The following PHKB variants were observed in gnomAD, a reference collection of about 807,000 sequenced individuals.
PHKB encodes the protein phosphorylase b kinase regulatory subunit beta.
Under a neutral mutation model 152.1 loss-of-function variants are expected in PHKB, and 122 were observed. The observed-to-expected ratio is 0.80, with a 90% CI of 0.69 to 0.93. PHKB has a LOEUF of 0.93. PHKB is among the 40% of genes least tolerant of loss of function. The pLI is 0.00. For synonymous variants in PHKB, 436 were observed against 464.9 expected (o/e 0.94, Z 0.80); for missense variants, 1,304 against 1,328.4 (o/e 0.98, Z 0.29).
chr16:47,604,312 T>TA (rs1218173710), intron 13 of PHKB, among the ~76,000 whole-genome samples: 1 of 152,198 alleles, frequency 6.6e-6, no homozygotes, highest in African/African-American at 2.4e-5. Context: ...GAGCAGAAGT[T>TA]AAAATCTTTA....
intron 10 of PHKB, among the ~76,000 whole-genome samples, chr16:47,593,065 A>C (rs1176593286): frequency 6.9e-6 from 1 of 143,888 alleles, no homozygotes; most frequent in Non-Finnish European, 1.5e-5. Context: ...CTTGGGCAAC[A>C]GAGGGAGGAG....
At chr16:47,631,821 T>C (rs1972832696) in intron 14 of PHKB, among the ~76,000 whole-genome samples, 1 of 152,212 alleles carries the variant, frequency 6.6e-6, no homozygotes, top group African/African-American at 2.4e-5. Context: ...TCCTTTTTTG[T>C]GGCTGTATGG....
At chr16:47,671,686 C>T (rs899295517) in intron 26 of PHKB, among the ~76,000 whole-genome samples, 4 of 152,196 alleles carry the variant, frequency 2.6e-5, no homozygotes, top group African/African-American at 9.6e-5. Flanking sequence ...CATCAGTTCT[C>T]ATCCAAGGAG....
chr16:47,541,534 A>G (rs924167362), intron 6 of PHKB, among the ~76,000 whole-genome samples: 4 of 152,210 alleles, frequency 2.6e-5, no homozygotes, highest in African/African-American at 9.6e-5. Context: ...GCTGGGTCAA[A>G]TGGTATTTCT....
chr16:47,472,797 A>G (rs1322591079), intron 1 of PHKB, among the ~76,000 whole-genome samples: 2 of 150,888 alleles, frequency 1.3e-5, no homozygotes, highest in Non-Finnish European at 3.0e-5. Context: ...AAAAACAAAA[A>G]TTAGCCAGGT....
At chr16:47,657,437 A>AGGATG (rs1973359037) in intron 20 of PHKB, among the ~76,000 whole-genome samples, 1 of 152,218 alleles carries the variant, frequency 6.6e-6, no homozygotes. Context: ...AATCTTAGGT[A>AGGATG]GGATGGTCTG....
At chr16:47,617,102 G>GT (rs750213638) in intron 14 of PHKB, among the ~76,000 whole-genome samples, 13 of 151,732 alleles carry the variant, frequency 8.6e-5, no homozygotes, top group Non-Finnish European at 1.8e-4. Flanking sequence ...CAGAGATTTT[G>GT]TTTATGTCCA....
chr16:47,573,917 A>G (rs1273427559), intron 7 of PHKB, among the ~76,000 whole-genome samples: 2 of 147,294 alleles, frequency 1.4e-5, no homozygotes, highest in East Asian at 3.9e-4. Context: ...AGTGCACGCA[A>G]AACAATTTTT....
chr16:47,493,055 C>G (rs903564001), intron 1 of PHKB, among the ~76,000 whole-genome samples: 6 of 152,196 alleles, frequency 3.9e-5, no homozygotes, highest in Non-Finnish European at 5.9e-5. Context: ...TCCTAGGTAC[C>G]ACCCTGGAAC....
intron 7 of PHKB, chr16:47,565,965 T>A (rs1385212406): frequency 1.4e-5 from 12 of 853,702 alleles, no homozygotes; most frequent in Admixed American, 2.4e-5. Flanking sequence ...CCAAGAGTAA[T>A]CATCTCTGGA....
chr16:47,552,437 C>T (rs989351972), intron 7 of PHKB, among the ~76,000 whole-genome samples: 10 of 152,054 alleles, frequency 6.6e-5, no homozygotes, highest in Admixed American at 3.9e-4. Context: ...AGAATTTGCT[C>T]GTCTGTAAAG....
Position 47,660,072 on chromosome 16 carries a change from C to A in PHKB, c.1972-434C>A, listed in dbSNP as rs573462856. Among the ~76,000 whole-genome samples, 3 of 152,224 alleles carry A rather than the reference C, an allele frequency of 2.0e-5. No individual in the cohort carries two copies. The South Asian group carries it at 6.2e-4, about 32-fold the overall frequency. ...AGAGATGGGGTTTCACCAGGACAGC[C>A]AAGATAGTCTTGATCTCTTGACCTC... On this transcript the variant is annotated intron_variant, in intron 20 of 30. Transcript: ENST00000323584.
At chr16:47,596,340 T>C (rs1212053918) in intron 12 of PHKB, 33 bp from the exon 13 acceptor site, 2 of 1,440,540 alleles carry the variant, frequency 1.4e-6, no homozygotes, top group African/African-American at 2.8e-5. Flanking sequence ...ACAGATTTGT[T>C]ATATTTTAAA....
rs1417069164 is a variant in PHKB, at chr16:47,587,779, A to G, written c.870+16A>G. The G allele has an allele frequency of 6.5e-7, 1 of 1,535,508 alleles. No individual in the cohort carries two copies. The highest frequency in any genetic ancestry group is 1.4e-5 in the African/African-American group (1 of 73,506). ...AAGATCACATGTGAGACATTTAATA[A>G]TGATAAATTTAACATGAACTATTGT... On this transcript the variant is annotated intron_variant, in intron 9 of 30. Coordinates refer to ENST00000323584, the MANE Select transcript of PHKB (RefSeq NM_000293.3).
At position 47,503,011 on chromosome 16, in the gene PHKB, G is replaced by T. The variant is rs1004472405; in HGVS notation, c.326G>T (p.Gly109Val). Residue 109 changes from glycine (G) to valine (V), a missense_variant, in exon 4 of 31, where the codon GGA becomes GTA. Transcript: ENST00000323584. ...CCCAGGCGAATTGATGATGACAAGG[G>T]AAGGACCCATGAGCTGGAGCACTCA... ...LAYRRIDDDK[G>V]RTHELEHSAI... The T allele has an allele frequency of 6.2e-7, 1 of 1,612,978 alleles. No individual in the cohort carries two copies. The highest frequency in any genetic ancestry group is 8.5e-7 in the Non-Finnish European group (1 of 1,178,956).
intron 7 of PHKB, chr16:47,565,212 C>G: frequency 1.6e-6 from 1 of 643,262 alleles, no homozygotes; most frequent in East Asian, 3.4e-5. Flanking sequence ...GATCTGGACT[C>G]TTGATCCTTT....
At chr16:47,660,995 C>T (rs1443487343) in intron 22 of PHKB, among the ~76,000 whole-genome samples, 176 bp downstream of exon 22, 1 of 152,150 alleles carries the variant, frequency 6.6e-6, no homozygotes, top group Non-Finnish European at 1.5e-5. Flanking sequence ...CTAACATCTG[C>T]ATGGATATCT....
At chr16:47,548,714 A>C (rs947211275) in intron 7 of PHKB, among the ~76,000 whole-genome samples, 4 of 152,188 alleles carry the variant, frequency 2.6e-5, no homozygotes, top group Admixed American at 2.0e-4. Flanking sequence ...AGATGACATA[A>C]GATATTTAGT....
intron 1 of PHKB, among the ~76,000 whole-genome samples, chr16:47,480,445 T>C (rs537370633): frequency 6.6e-6 from 1 of 152,336 alleles, no homozygotes; most frequent in East Asian, 1.9e-4. Flanking sequence ...AGTTCTTTTT[T>C]TCCTAAGTAT....
Sources: allele counts gnomAD v4.1 joint callset (sites outside exome capture counted in the v4.1 genomes callset), GRCh38; gene constraint gnomAD v4.1.1; transcripts MANE v1.5; gene names NCBI Gene and HGNC (gene_info 2026-07-23, HGNC 2026-07-21).